CCDC171: variants seen among roughly 807,000 people sequenced by gnomAD.
CCDC171 encodes the protein coiled-coil domain-containing protein 171.
A neutral mutation model predicts 168.2 loss-of-function variants in CCDC171; 177 were observed. The observed-to-expected ratio is 1.05, with a 90% CI of 0.93 to 1.19. The LOEUF (loss-of-function observed/expected upper bound fraction) is 1.19. CCDC171 is among the 50% of genes most tolerant of loss of function. The pLI, the probability that CCDC171 is intolerant of heterozygous loss-of-function variation, is 0.00. For missense variants in CCDC171, 1,991 were observed against 1,539.0 expected, an observed-to-expected ratio of 1.29 and a Z score of -4.91; for synonymous variants, 687 against 540.8, an observed-to-expected ratio of 1.27 and a Z score of -3.75.
chr9:15,724,645 A>C, intron 13 of CCDC171, 131 bp from the exon 14 acceptor site: 1 of 624,946 alleles, frequency 1.6e-6, no homozygotes, highest in Non-Finnish European at 2.9e-6. Context: ...AATGTAAACA[A>C]ATGCTTGCCT....
At chr9:16,085,207 C>T in the CCDC171 span, among the ~76,000 whole-genome samples, 1 of 152,186 alleles carries the variant, frequency 6.6e-6, no homozygotes, top group Admixed American at 6.5e-5. Flanking sequence ...ATGATCTTGT[C>T]CCATTCCAAT....
intron 9 of CCDC171, 91 bp downstream of exon 9, chr9:15,666,414 T>C: frequency 2.4e-6 from 2 of 838,694 alleles, no homozygotes; most frequent in East Asian, 2.7e-5. Flanking sequence ...ATTTTAGATA[T>C]AGCTCCCATT....
At chr9:15,954,626 C>T (rs1282531471) in intron 25 of CCDC171, among the ~76,000 whole-genome samples, 1 of 151,260 alleles carries the variant, frequency 6.6e-6, no homozygotes, top group Admixed American at 6.6e-5. Flanking sequence ...CTTTCTGTAT[C>T]TCAGCCTCAG....
At position 15,564,049 on chromosome 9, in the gene CCDC171, T is replaced by G; in HGVS notation, c.-40T>G. Reference sequence around the variant, plus strand: ...AATCATCAAGAAAGAAATATGTCATTAAGAAATAGCAGGGTATTTTGAAAG... The same window carrying G: ...AATCATCAAGAAAGAAATATGTCATGAAGAAATAGCAGGGTATTTTGAAAG... On this transcript the variant is annotated 5_prime_UTR_variant, in exon 2 of 26. The change creates a new upstream start codon in the 5' untranslated region. Transcript: ENST00000380701. 1 of 1,515,694 alleles carries G rather than the reference T, an allele frequency of 6.6e-7. No homozygotes were observed. Among genetic ancestry groups the G allele is most frequent in the Admixed American group, 1.8e-5 (1 of 55,764 alleles). 93.9% of individuals were successfully genotyped at this position (1,515,694 alleles called of 1,614,324 possible). A position where few individuals can be genotyped will look rare whatever the true frequency, so the allele number is the denominator to read the frequency against.
chr9:15,717,063 TCA>T (rs1289840960), intron 11 of CCDC171, among the ~76,000 whole-genome samples: 1 of 152,198 alleles, frequency 6.6e-6, no homozygotes, highest in Admixed American at 6.5e-5. Context: ...GTTTTAAACT[TCA>T]TATCACTGAA....
At chr9:15,853,224 C>T (rs1184043048) in intron 23 of CCDC171, among the ~76,000 whole-genome samples, 2 of 151,598 alleles carry the variant, frequency 1.3e-5, no homozygotes, top group Non-Finnish European at 1.5e-5. Context: ...GAATGCCTTT[C>T]TACTTATTTA....
intron 10 of CCDC171, among the ~76,000 whole-genome samples, chr9:15,688,735 A>G (rs914776871): frequency 4.6e-5 from 7 of 152,202 alleles, no homozygotes; most frequent in African/African-American, 1.4e-4. Flanking sequence ...TAGAAAACCT[A>G]CATCTGACAT....
the CCDC171 span, among the ~76,000 whole-genome samples, chr9:16,073,623 A>C: frequency 6.6e-6 from 1 of 152,206 alleles, no homozygotes; most frequent in Non-Finnish European, 1.5e-5. Flanking sequence ...ATATTTAAGA[A>C]TGAGGGACCA....
chr9:15,609,998 G>T (rs545866527), intron 6 of CCDC171, among the ~76,000 whole-genome samples: 1 of 151,764 alleles, frequency 6.6e-6, no homozygotes, highest in East Asian at 1.9e-4. Flanking sequence ...TATTTTCTGA[G>T]AGATTTTCTC....
intron 24 of CCDC171, among the ~76,000 whole-genome samples, chr9:15,908,424 A>T (rs959570615): frequency 3.4e-5 from 5 of 145,944 alleles, no homozygotes; most frequent in Non-Finnish European, 6.0e-5. Context: ...AAAACACTGC[A>T]TGTTCTCACT....
chr9:15,835,672 C>T (rs1047441002), intron 21 of CCDC171, among the ~76,000 whole-genome samples: 1 of 152,200 alleles, frequency 6.6e-6, no homozygotes, highest in South Asian at 2.1e-4. Context: ...AGTGATCCAC[C>T]TGCCTTGGCC....
chr9:15,738,358 G>C (rs1240449556), intron 16 of CCDC171, among the ~76,000 whole-genome samples: 1 of 152,166 alleles, frequency 6.6e-6, no homozygotes, highest in Non-Finnish European at 1.5e-5. Flanking sequence ...AGAGAGTAAA[G>C]GAAAACTGGT....
At chr9:16,019,264 C>T (rs1833102760) in intron 3 of CCDC171, among the ~76,000 whole-genome samples, 1 of 152,164 alleles carries the variant, frequency 6.6e-6, no homozygotes, top group African/African-American at 2.4e-5. Flanking sequence ...TCAGATGCTG[C>T]TGAGAAGCCA....
chr9:15,933,179 T>G (rs1222189864), intron 25 of CCDC171, among the ~76,000 whole-genome samples: 6 of 151,978 alleles, frequency 3.9e-5, no homozygotes, highest in African/African-American at 1.4e-4. Context: ...TTTCTTCTTC[T>G]TTGAATGTTA....
chr9:15,723,474 G>A (rs547719346), intron 12 of CCDC171, among the ~76,000 whole-genome samples: 1 of 152,082 alleles, frequency 6.6e-6, no homozygotes, highest in African/African-American at 2.4e-5. Flanking sequence ...TTTCTTTTTA[G>A]CCACATGAAC....
intron 16 of CCDC171, among the ~76,000 whole-genome samples, chr9:15,731,794 ATT>A (rs2054167747): frequency 1.3e-5 from 2 of 151,982 alleles, no homozygotes; most frequent in South Asian, 4.1e-4. Flanking sequence ...TGCTTGTGTC[ATT>A]TTTTATTCCC....
At chr9:16,019,108 C>G (rs1833099619) in intron 3 of CCDC171, among the ~76,000 whole-genome samples, 2 of 152,252 alleles carry the variant, frequency 1.3e-5, no homozygotes, top group East Asian at 1.9e-4. Flanking sequence ...CTCTTTAAAG[C>G]CTTTGATTGG....
In CCDC171 at chr9:15,813,248, A is replaced by G. The variant is rs61710526; in HGVS notation, c.3267+28554A>G. ...GAAATTTCCCATGTACAATAACTCT[A>G]TATTGTCTTACCTTTCTGGCATAAT... is the stretch of plus-strand genomic sequence containing the variant. On this transcript the variant is annotated intron_variant, in intron 21 of 25. Transcript: ENST00000380701. Among the ~76,000 whole-genome samples, 20 of 152,314 alleles carry G rather than the reference A, an allele frequency of 1.3e-4. No individual in the cohort carries two copies. The East Asian group carries it at 3.9e-3, about 29-fold the overall frequency.
intron 18 of CCDC171, among the ~76,000 whole-genome samples, chr9:15,760,239 A>G (rs2056370389): frequency 6.6e-6 from 1 of 152,178 alleles, no homozygotes; most frequent in Non-Finnish European, 1.5e-5. Context: ...TGGTGCATGT[A>G]TGCCAGTACT....
Sources: gnomAD v4.1 joint callset for allele counts (sites outside exome capture counted in the v4.1 genomes callset) on GRCh38, gnomAD v4.1.1 for gene constraint, MANE v1.5 for transcripts, NCBI Gene and HGNC (gene_info 2026-07-23, HGNC 2026-07-21) for gene names.